TBC1D5: variants seen among roughly 807,000 people sequenced by gnomAD.
The protein encoded by TBC1D5 is TBC1 domain family, member 5.
TBC1D5 carries 75 observed loss-of-function variants against 100.3 expected under a neutral mutation model. The observed-to-expected ratio is 0.75, with a 90% CI of 0.62 to 0.91. The LOEUF is 0.91. TBC1D5 is among the 40% of genes least tolerant of loss of function. The pLI, the probability that TBC1D5 is intolerant of heterozygous loss-of-function variation, is 0.00. For synonymous variants in TBC1D5, 323 were observed against 325.6 expected (o/e 0.99, Z 0.09); for missense variants, 910 against 942.4 (o/e 0.97, Z 0.45).
intron 2 of TBC1D5, among the ~76,000 whole-genome samples, chr3:17,539,226 G>A (rs1485011859): frequency 6.6e-6 from 1 of 152,290 alleles, no homozygotes; most frequent in Admixed American, 6.5e-5. Context: ...ATGTAAGGGA[G>A]TGTCTGGGTT....
At chr3:17,252,157 C>T (rs2077233033) in intron 16 of TBC1D5, among the ~76,000 whole-genome samples, 2 of 152,068 alleles carry the variant, frequency 1.3e-5, no homozygotes, top group African/African-American at 4.8e-5. Context: ...TCAGTACTGC[C>T]TCAAGAGTAT....
intron 13 of TBC1D5, among the ~76,000 whole-genome samples, chr3:17,329,481 CTA>C (rs1287130741): frequency 2.2e-4 from 33 of 151,880 alleles, no homozygotes; most frequent in African/African-American, 7.3e-4. Flanking sequence ...TCATCAGTAA[CTA>C]TTGGTGGAAA....
intron 3 of TBC1D5, among the ~76,000 whole-genome samples, chr3:17,501,328 T>TAA: frequency 6.7e-6 from 1 of 149,686 alleles, no homozygotes; most frequent in Non-Finnish European, 1.5e-5. Flanking sequence ...ACCAAATTAA[T>TAA]GCACTTATCA....
At chr3:17,455,443 T>A (rs1423385447) in intron 3 of TBC1D5, among the ~76,000 whole-genome samples, 2 of 122,512 alleles carry the variant, frequency 1.6e-5, no homozygotes, top group Non-Finnish European at 3.1e-5. Context: ...TGTGTGTGTA[T>A]ATATATATGT....
At chr3:17,161,179 C>T in exon 22 of TBC1D5, 2 of 1,614,134 alleles carry the variant, frequency 1.2e-6, no homozygotes, top group South Asian at 1.1e-5. Flanking sequence ...TGGCACTGCT[C>T]CCATCATCAT....
At chr3:17,446,833 T>C (rs2094808743) in intron 3 of TBC1D5, among the ~76,000 whole-genome samples, 1 of 152,034 alleles carries the variant, frequency 6.6e-6, no homozygotes, top group Admixed American at 6.6e-5. Flanking sequence ...TTAGCCAGGT[T>C]GGTGGCAGGC....
At chr3:17,633,207 C>A (rs977300320) in intron 1 of TBC1D5, among the ~76,000 whole-genome samples, 1 of 152,054 alleles carries the variant, frequency 6.6e-6, no homozygotes, top group Admixed American at 6.6e-5. Flanking sequence ...GAGGCCGAGG[C>A]GAGTGGATCA....
In TBC1D5 at chr3:17,532,993, A is replaced by T. The variant is rs533162909; in HGVS notation, c.-35-24388T>A. ...CTAAAACTTAAAGTATAATAAAATT[A>T]AAAAAAAAAAATTTGATCACACCAC... On this transcript the variant is annotated intron_variant, in intron 2 of 21. Coordinates refer to ENST00000253692, the Ensembl canonical transcript of TBC1D5. Among the ~76,000 whole-genome samples, 36 of 128,286 alleles carry T rather than the reference A, an allele frequency of 2.8e-4. 1 individual carries two copies. In the South Asian group the frequency reaches 7.6e-3, roughly 27 times the overall value. The allele number at this position is 128,286 out of a possible 152,430, so 84.2% of individuals were successfully genotyped here. A position where few individuals can be genotyped will look rare whatever the true frequency, so the allele number is the denominator to read the frequency against.
At chr3:17,487,655 T>C (rs574873840) in intron 3 of TBC1D5, among the ~76,000 whole-genome samples, 1 of 152,152 alleles carries the variant, frequency 6.6e-6, no homozygotes, top group African/African-American at 2.4e-5. Flanking sequence ...TAATTTGTAA[T>C]TTCAAGAATC....
At chr3:17,529,219 C>T (rs911814742) in intron 2 of TBC1D5, among the ~76,000 whole-genome samples, 6 of 152,218 alleles carry the variant, frequency 3.9e-5, no homozygotes, top group African/African-American at 1.4e-4. Flanking sequence ...GGCTCAGTCG[C>T]TACTGTCCCT....
At chr3:17,457,972 T>G (rs879657063) in intron 3 of TBC1D5, among the ~76,000 whole-genome samples, 4 of 152,158 alleles carry the variant, frequency 2.6e-5, no homozygotes, top group Admixed American at 2.0e-4. Context: ...GGGATTTAGT[T>G]TGTAAAAATA....
At chr3:17,478,213 T>G (rs906445787) in intron 3 of TBC1D5, among the ~76,000 whole-genome samples, 15 of 152,192 alleles carry the variant, frequency 9.9e-5, no homozygotes, top group African/African-American at 3.6e-4. Flanking sequence ...TTCAGTTAAT[T>G]ATTTTGTGTC....
intron 1 of TBC1D5, among the ~76,000 whole-genome samples, chr3:17,690,884 G>A (rs1010324211): frequency 2.0e-5 from 3 of 152,016 alleles, no homozygotes; most frequent in African/African-American, 7.2e-5. Context: ...AGATAGACAG[G>A]GACACTGCTT....
intron 3 of TBC1D5, among the ~76,000 whole-genome samples, chr3:17,488,658 G>C (rs1243392004): frequency 2.0e-5 from 3 of 151,940 alleles, no homozygotes; most frequent in Non-Finnish European, 2.9e-5. Flanking sequence ...CATTGTTTAG[G>C]ATCTTAATCC....
At chr3:17,602,359 G>A (rs918380820) in intron 2 of TBC1D5, among the ~76,000 whole-genome samples, 2 of 152,050 alleles carry the variant, frequency 1.3e-5, no homozygotes, top group African/African-American at 4.8e-5. Context: ...CTCAGACATT[G>A]ATTTCCTCTG....
intron 16 of TBC1D5, among the ~76,000 whole-genome samples, chr3:17,239,257 G>GCCA: frequency 6.6e-6 from 1 of 152,122 alleles, no homozygotes; most frequent in East Asian, 1.9e-4. Context: ...CTTTTCACCT[G>GCCA]CCACAATGGA....
At chr3:17,166,660 C>T (rs1461288196) in intron 21 of TBC1D5, 107 bp downstream of exon 22, 2 of 1,450,928 alleles carry the variant, frequency 1.4e-6, no homozygotes, top group African/African-American at 2.8e-5. Flanking sequence ...GAACTTCATA[C>T]ATGGTAATTT....
At chr3:17,284,213 G>A (rs2080926213) in intron 15 of TBC1D5, among the ~76,000 whole-genome samples, 1 of 152,014 alleles carries the variant, frequency 6.6e-6, no homozygotes, top group African/African-American at 2.4e-5. Flanking sequence ...CACCTTCCAA[G>A]TTCAAGCGAT....
chr3:17,233,738 G>C, intron 17 of TBC1D5: 1 of 1,543,246 alleles, frequency 6.5e-7, no homozygotes, highest in East Asian at 2.5e-5. Flanking sequence ...ATCGCTTCCT[G>C]TAACTACATC....
Sources: allele counts gnomAD v4.1 joint callset (sites outside exome capture counted in the v4.1 genomes callset), GRCh38; gene constraint gnomAD v4.1.1; transcripts MANE v1.5; gene names NCBI Gene and HGNC (gene_info 2026-07-23, HGNC 2026-07-21).